Variants in ZFHX4 observed in about 807,000 individuals in gnomAD.
ZFHX4 encodes zinc finger homeobox protein 4.
A neutral mutation model predicts 267.6 loss-of-function variants in ZFHX4; 56 were observed. The observed-to-expected ratio is 0.21, with a 90% CI of 0.17 to 0.26. ZFHX4 has a LOEUF of 0.26. Ranked by LOEUF, ZFHX4 falls within the 10% of genes least tolerant of loss-of-function variation. The probability of loss-of-function intolerance (pLI) is 1.00; values close to 1 mark genes in which losing one functional copy is unlikely to be tolerated. For synonymous variants in ZFHX4, 1,778 were observed against 1,665.6 expected, an observed-to-expected ratio of 1.07 and a Z score of -1.64; for missense variants, 4,332 against 4,420.0, an observed-to-expected ratio of 0.98 and a Z score of 0.56.
intron 3 of ZFHX4, among the ~76,000 whole-genome samples, chr8:76,763,739 AG>A (rs1280073096): frequency 6.6e-6 from 1 of 152,214 alleles, no homozygotes; most frequent in Non-Finnish European, 1.5e-5. Context: ...TGAGGAAAAA[AG>A]TAAAAAGAAA....
chr8:76,853,670 A>G lies in ZFHX4; in HGVS notation c.6749A>G (p.Tyr2250Cys). Residue 2250 changes from tyrosine to cysteine, a missense_variant, in exon 10 of 11, where the codon TAC (tyrosine) becomes TGC (cysteine). By Grantham distance (194) the Tyr-to-Cys change is radical. Transcript: ENST00000651372. ...CAAGACTTTTTTGACACAAACGCTT[A>G]CCCAAAAGATGATGAAATAGAACAA... ...VLQDFFDTNA[Y>C]PKDDEIEQLS... 2 of 1,613,688 alleles carry G rather than the reference A, an allele frequency of 1.2e-6. No individual in the cohort carries two copies. The highest frequency in any genetic ancestry group is 1.7e-6 in the Non-Finnish European group (2 of 1,179,782).
intron 4 of ZFHX4, among the ~76,000 whole-genome samples, chr8:76,786,303 T>C (rs1308005078): frequency 6.6e-6 from 1 of 151,586 alleles, no homozygotes; most frequent in East Asian, 1.9e-4. Context: ...TGTTCTTTCT[T>C]TTCCTTCACT....
intron 1 of ZFHX4, among the ~76,000 whole-genome samples, chr8:76,682,099 G>GC (rs1807546955): frequency 6.6e-6 from 1 of 152,232 alleles, no homozygotes; most frequent in Admixed American, 6.5e-5. Flanking sequence ...CGCGGGCACT[G>GC]CCAGGGGTCT....
At chr8:76,825,052 G>A (rs1811749453) in intron 4 of ZFHX4, among the ~76,000 whole-genome samples, 1 of 152,246 alleles carries the variant, frequency 6.6e-6, no homozygotes, top group South Asian at 2.1e-4. Flanking sequence ...ACAAATAATA[G>A]TGATATTTTA....
chr8:76,696,833 A>G (rs1464490487), intron 1 of ZFHX4, among the ~76,000 whole-genome samples: 2 of 152,000 alleles, frequency 1.3e-5, no homozygotes, highest in African/African-American at 4.8e-5. Context: ...AAATATTTAC[A>G]TGGAATGTAA....
At chr8:76,803,529 T>A (rs1372204587) in intron 4 of ZFHX4, among the ~76,000 whole-genome samples, 2 of 152,114 alleles carry the variant, frequency 1.3e-5, no homozygotes, top group African/African-American at 4.8e-5. Flanking sequence ...AAATGTAACC[T>A]CCTAAGAGTA....
rs1808283328 is a variant in ZFHX4 at position 76,706,640 on chromosome 8, T to C, written c.2552T>C (p.Leu851Pro). 3.1e-6 allele frequency: 5 copies of C among 1,602,762 alleles called. No homozygotes were observed. Among genetic ancestry groups the C allele is most frequent in the South Asian group, 1.1e-5 (1 of 88,524 alleles). The change falls in exon 2 of 11, where the codon CTG (leucine) becomes CCG (proline). Residue 851 changes from leucine to proline, a missense_variant. Transcript: ENST00000651372. ...CAGCTGATGATCAATCCATTCCAGC[T>C]GGATCCAGCGACAGCAGCGGCTTTG... ...DPQLMINPFQ[L>P]DPATAAALAP... is the part of the protein sequence containing the mutation.
At position 76,864,641 on chromosome 8, in the gene ZFHX4, T is replaced by G; in HGVS notation, c.*76T>G. On this transcript the variant is annotated 3_prime_UTR_variant, in exon 11 of 11. Coordinates refer to ENST00000651372, the MANE Select transcript of ZFHX4 (RefSeq NM_024721.5). ...AAAAAAATAAGACTTTAACTGCAGT[T>G]CCAAAGCTTCTCTAACCCAAAAATT... 5.3e-6 allele frequency: 6 copies of G among 1,137,764 alleles called. No individual in the cohort carries two copies. The highest frequency in any genetic ancestry group is 7.2e-6 in the Non-Finnish European group (6 of 834,756). 70.5% of individuals were successfully genotyped at this position (1,137,764 alleles called of 1,614,324 possible). A position where few individuals can be genotyped will look rare whatever the true frequency, so the allele number is the denominator to read the frequency against.
chr8:76,684,743 T>G (rs996417781), intron 1 of ZFHX4, among the ~76,000 whole-genome samples: 2 of 152,212 alleles, frequency 1.3e-5, no homozygotes, highest in Admixed American at 1.3e-4. Context: ...TGTTCAGTGC[T>G]TTTGTAATCT....
At position 76,759,834 on chromosome 8, in the gene ZFHX4, TG is replaced by T. The variant is rs2093569626; in HGVS notation, c.3094-18371del. Among the ~76,000 whole-genome samples the T allele has an allele frequency of 2.6e-5, 4 of 152,262 alleles. No homozygotes were observed. In the South Asian group the frequency reaches 8.3e-4, roughly 32 times the overall value. The stretch of plus-strand genomic sequence containing the variant: ...ACATCATATCCTTGGTGGAATGAAG[TG>T]GGATGTAAATAAATAAAATAAATAC... On this transcript the variant is annotated intron_variant, in intron 3 of 10. Transcript: ENST00000651372.
At chr8:76,760,354 T>C (rs568934718) in intron 3 of ZFHX4, among the ~76,000 whole-genome samples, 1 of 152,294 alleles carries the variant, frequency 6.6e-6, no homozygotes, top group African/African-American at 2.4e-5. Context: ...TTAATATGTC[T>C]TTACTATTGA....
intron 4 of ZFHX4, among the ~76,000 whole-genome samples, chr8:76,802,091 AG>A (rs2131828295): frequency 6.6e-6 from 1 of 152,294 alleles, no homozygotes; most frequent in South Asian, 2.1e-4. Flanking sequence ...AGGCATGCAT[AG>A]AATCGCGAAT....
rs114906721 is a variant in ZFHX4 at position 76,782,778 on chromosome 8, A to C, written c.3325+4339A>C. ...AATTTCACATCACTTTCTTGAGCGT[A>C]AAAACAACCCCCGGCGAAGGACAGA... On this transcript the variant is annotated intron_variant, in intron 4 of 10. Coordinates refer to ENST00000651372, the MANE Select transcript of ZFHX4 (RefSeq NM_024721.5). Among the ~76,000 whole-genome samples the C allele has an allele frequency of 2.2e-3, 341 of 152,114 alleles. 3 individuals carry two copies. The highest frequency in any genetic ancestry group is 8.0e-3 in the African/African-American group (333 of 41,556).
At chr8:76,834,642 T>A (rs1812023321) in intron 5 of ZFHX4, among the ~76,000 whole-genome samples, 1 of 152,232 alleles carries the variant, frequency 6.6e-6, no homozygotes, top group Admixed American at 6.5e-5. Flanking sequence ...ATATTTCAGA[T>A]GACAGTCTTT....
chr8:76,817,426 C>G (rs946483259), intron 4 of ZFHX4, among the ~76,000 whole-genome samples: 1 of 152,130 alleles, frequency 6.6e-6, no homozygotes, highest in African/African-American at 2.4e-5. Context: ...AGTTGACAGT[C>G]TGTTTCAGCC....
At chr8:76,807,027 C>T (rs555210189) in intron 4 of ZFHX4, among the ~76,000 whole-genome samples, 25 of 152,112 alleles carry the variant, frequency 1.6e-4, no homozygotes, top group Non-Finnish European at 3.4e-4. Context: ...CTTGCTATCA[C>T]TTAATTAGCA....
intron 6 of ZFHX4, among the ~76,000 whole-genome samples, chr8:76,844,557 C>T (rs1275652331): frequency 6.6e-6 from 1 of 152,052 alleles, no homozygotes; most frequent in Non-Finnish European, 1.5e-5. Flanking sequence ...CCACTTACTG[C>T]TCCGCAAAAG....
intron 6 of ZFHX4, among the ~76,000 whole-genome samples, chr8:76,848,158 C>A (rs1228023689): frequency 1.3e-5 from 2 of 152,132 alleles, no homozygotes; most frequent in Non-Finnish European, 2.9e-5. Context: ...TTGTGTTTGT[C>A]ATGAGATGTA....
At chr8:76,756,652 A>G (rs1435433231) in intron 3 of ZFHX4, among the ~76,000 whole-genome samples, 1 of 152,100 alleles carries the variant, frequency 6.6e-6, no homozygotes, top group Non-Finnish European at 1.5e-5. Flanking sequence ...CAAAGCTATC[A>G]CAATTGCCCT....
Sources: gnomAD v4.1 joint callset for allele counts (sites outside exome capture counted in the v4.1 genomes callset) on GRCh38, gnomAD v4.1.1 for gene constraint, MANE v1.5 for transcripts, NCBI Gene and HGNC (gene_info 2026-07-23, HGNC 2026-07-21) for gene names.